The following FHIT variants were observed in gnomAD, a reference collection of about 807,000 sequenced individuals.
The protein encoded by FHIT is bis(5'-adenosyl)-triphosphatase.
FHIT carries 19 observed loss-of-function variants against 17.9 expected under a neutral mutation model. The ratio of observed to expected loss-of-function variants is 1.06; its 90% confidence interval spans 0.74 to 1.56. The LOEUF is 1.56. Ranked by LOEUF, FHIT falls within the 40% of genes most tolerant of loss-of-function variation. The pLI is 0.00. For synonymous variants in FHIT, 81 were observed against 69.7 expected (o/e 1.16, Z -0.81); for missense variants, 248 against 189.2 (o/e 1.31, Z -1.82).
intron 8 of FHIT, among the ~76,000 whole-genome samples, chr3:59,774,033 AAT>A (rs1335867584): frequency 6.6e-6 from 1 of 152,228 alleles, no homozygotes. Flanking sequence ...CTGTTTTTTT[AAT>A]ATGGCTACTA....
intron 8 of FHIT, among the ~76,000 whole-genome samples, chr3:59,793,547 C>G (rs567015941): frequency 1.1e-3 from 167 of 152,084 alleles, no homozygotes; most frequent in Middle Eastern, 0.01. Context: ...TCATCAAACT[C>G]AAACCTTCCC....
chr3:60,769,164 A>G (rs1259073689), intron 4 of FHIT, among the ~76,000 whole-genome samples: 1 of 152,098 alleles, frequency 6.6e-6, no homozygotes, highest in Non-Finnish European at 1.5e-5. Flanking sequence ...CTCACCTAGT[A>G]CCCCATCCTC....
chr3:61,213,838 C>G (rs995310379), intron 1 of FHIT, among the ~76,000 whole-genome samples: 7 of 152,158 alleles, frequency 4.6e-5, no homozygotes, highest in African/African-American at 1.7e-4. Context: ...AACTAGAACT[C>G]AGGATTAAGA....
intron 3 of FHIT, among the ~76,000 whole-genome samples, chr3:60,888,750 A>G (rs976283823): frequency 6.6e-6 from 1 of 152,218 alleles, no homozygotes; most frequent in Non-Finnish European, 1.5e-5. Flanking sequence ...TGGAACATAT[A>G]AAAGTGATAG....
intron 5 of FHIT, among the ~76,000 whole-genome samples, chr3:60,370,790 TC>T (rs1325478959): frequency 6.6e-6 from 1 of 152,206 alleles, no homozygotes; most frequent in Non-Finnish European, 1.5e-5. Context: ...GTCTCTTCCC[TC>T]CTATCCATTC....
chr3:60,036,111 G>T (rs547498711), intron 5 of FHIT, among the ~76,000 whole-genome samples: 1 of 152,294 alleles, frequency 6.6e-6, no homozygotes, highest in South Asian at 2.1e-4. Flanking sequence ...ACAATTCACT[G>T]CCATAACTAG....
intron 4 of FHIT, among the ~76,000 whole-genome samples, chr3:60,600,586 A>G (rs1322932386): frequency 1.4e-4 from 21 of 152,146 alleles, no homozygotes; most frequent in African/African-American, 5.1e-4. Flanking sequence ...AAAGATTCTG[A>G]TACGTCAGCC....
intron 3 of FHIT, among the ~76,000 whole-genome samples, chr3:60,929,831 A>G (rs1553771191): frequency 6.6e-6 from 1 of 152,232 alleles, no homozygotes; most frequent in African/African-American, 2.4e-5. Context: ...CAAGCTACCA[A>G]TGACTTCCTT....
chr3:60,928,462 T>C (rs918760045), intron 3 of FHIT, among the ~76,000 whole-genome samples: 9 of 150,316 alleles, frequency 6.0e-5, no homozygotes, highest in Non-Finnish European at 1.0e-4. Context: ...GGCTAGAAGA[T>C]CACTTGAGCC....
intron 7 of FHIT, among the ~76,000 whole-genome samples, chr3:59,973,773 G>T (rs79512642): frequency 0.029 from 4,437 of 152,092 alleles, 100 homozygotes; most frequent in South Asian, 0.078. Context: ...TTGGGCCAAA[G>T]ACCAGGTTTC....
chr3:60,976,869 C>T (rs1274669608), intron 3 of FHIT, among the ~76,000 whole-genome samples: 2 of 149,894 alleles, frequency 1.3e-5, no homozygotes, highest in African/African-American at 4.9e-5. Context: ...AATTCCAGTG[C>T]TCTGAATACT....
At chr3:60,052,229 G>A (rs1246627919) in intron 5 of FHIT, among the ~76,000 whole-genome samples, 6 of 152,092 alleles carry the variant, frequency 3.9e-5, no homozygotes, top group Admixed American at 3.3e-4. Flanking sequence ...AAATAAACAA[G>A]CAACAGCATT....
At chr3:60,046,351 G>A (rs1206286032) in intron 5 of FHIT, among the ~76,000 whole-genome samples, 1 of 152,178 alleles carries the variant, frequency 6.6e-6, no homozygotes, top group Admixed American at 6.5e-5. Context: ...AGGAAGCACG[G>A]TCAACCAGCT....
intron 1 of FHIT, among the ~76,000 whole-genome samples, chr3:61,229,000 G>C (rs906630390): frequency 2.0e-5 from 3 of 152,122 alleles, no homozygotes; most frequent in African/African-American, 7.2e-5. Flanking sequence ...CACTTCACAA[G>C]ATACTGTAGA....
intron 5 of FHIT, among the ~76,000 whole-genome samples, chr3:60,109,870 G>T (rs935708137): frequency 6.6e-6 from 1 of 152,070 alleles, no homozygotes; most frequent in African/African-American, 2.4e-5. Flanking sequence ...AACCAATGAT[G>T]TATTTCTCGT....
At chr3:59,777,929 T>C (rs1702403799) in intron 8 of FHIT, among the ~76,000 whole-genome samples, 1 of 152,262 alleles carries the variant, frequency 6.6e-6, no homozygotes, top group African/African-American at 2.4e-5. Flanking sequence ...TAGTTATCAG[T>C]TGAAATGTTA....
intron 3 of FHIT, among the ~76,000 whole-genome samples, chr3:60,977,040 T>C (rs1226556713): frequency 6.6e-6 from 1 of 152,202 alleles, no homozygotes; most frequent in Non-Finnish European, 1.5e-5. Flanking sequence ...GGTCTGATGA[T>C]GGGTGTATGA....
At chr3:60,200,536 A>G (rs1702851474) in intron 5 of FHIT, among the ~76,000 whole-genome samples, 1 of 152,142 alleles carries the variant, frequency 6.6e-6, no homozygotes, top group Non-Finnish European at 1.5e-5. Flanking sequence ...TTAAATCATT[A>G]AAATATGAAA....
intron 5 of FHIT, among the ~76,000 whole-genome samples, chr3:60,493,034 T>C (rs181509281): frequency 6.0e-4 from 91 of 152,218 alleles, no homozygotes; most frequent in African/African-American, 1.9e-3. Context: ...CAGCGTAGAA[T>C]TGATGGATAA....
Sources: allele counts gnomAD v4.1 joint callset (sites outside exome capture counted in the v4.1 genomes callset), GRCh38; gene constraint gnomAD v4.1.1; transcripts MANE v1.5; gene names NCBI Gene and HGNC (gene_info 2026-07-23, HGNC 2026-07-21).